Variants in CNTN4 observed in about 807,000 individuals in gnomAD.
CNTN4 encodes contactin 4, also known as contactin-4.
In CNTN4, 77 loss-of-function variants were observed where a neutral mutation model predicts 122.5. That is an observed-to-expected ratio of 0.63 (90% CI 0.52 to 0.76). CNTN4 has a LOEUF of 0.76. Among genes scored for constraint, CNTN4 ranks in the 30% least tolerant of loss-of-function variants. CNTN4 has a pLI of 0.00. For synonymous variants in CNTN4, 512 were observed against 447.0 expected, an observed-to-expected ratio of 1.15 and a Z score of -1.83; for missense variants, 1,256 against 1,259.1, an observed-to-expected ratio of 1.00 and a Z score of 0.04.
At chr3:2,596,827 A>G (rs1472738432) in intron 4 of CNTN4, among the ~76,000 whole-genome samples, 2 of 152,182 alleles carry the variant, frequency 1.3e-5, no homozygotes, top group Non-Finnish European at 1.5e-5. Flanking sequence ...AATAAATGCT[A>G]TGTGCTGAGT....
chr3:2,748,462 C>T (rs950109191), intron 6 of CNTN4, among the ~76,000 whole-genome samples: 4 of 151,984 alleles, frequency 2.6e-5, no homozygotes, highest in Admixed American at 2.6e-4. Flanking sequence ...AGTTTAGTGT[C>T]AGCAGAAAAT....
At chr3:2,723,260 A>G (rs1218367366) in intron 4 of CNTN4, among the ~76,000 whole-genome samples, 1 of 152,060 alleles carries the variant, frequency 6.6e-6, no homozygotes, top group East Asian at 1.9e-4. Flanking sequence ...ACACCACCTA[A>G]TCTTTGCAAA....
chr3:2,589,161 A>G (rs533990938), intron 4 of CNTN4, among the ~76,000 whole-genome samples: 1 of 152,302 alleles, frequency 6.6e-6, no homozygotes, highest in African/African-American at 2.4e-5. Flanking sequence ...ATGGCCTGGC[A>G]TAGAAAGTTA....
intron 3 of CNTN4, among the ~76,000 whole-genome samples, chr3:2,501,078 G>C (rs952722766): frequency 6.6e-6 from 1 of 152,078 alleles, no homozygotes; most frequent in East Asian, 1.9e-4. Flanking sequence ...TGAAACTTCT[G>C]TTTGCTCCTG....
At chr3:2,202,325 A>C (rs1363408849) in intron 2 of CNTN4, among the ~76,000 whole-genome samples, 2 of 152,190 alleles carry the variant, frequency 1.3e-5, no homozygotes, top group African/African-American at 4.8e-5. Context: ...GTGGTTGCTT[A>C]CGCTTTCTGT....
chr3:2,613,521 A>T (rs17017302), intron 4 of CNTN4, among the ~76,000 whole-genome samples: 1 of 151,948 alleles, frequency 6.6e-6, no homozygotes, highest in Admixed American at 6.6e-5. Flanking sequence ...GTAAAGCACT[A>T]TTTGTATTTC....
chr3:2,842,296 A>T (rs2093376166), intron 7 of CNTN4, among the ~76,000 whole-genome samples: 1 of 152,170 alleles, frequency 6.6e-6, no homozygotes, highest in South Asian at 2.1e-4. Context: ...GTGGTGGTGG[A>T]TTCTTTGTGT....
At chr3:2,210,683 T>G (rs1189510132) in intron 2 of CNTN4, among the ~76,000 whole-genome samples, 1 of 152,208 alleles carries the variant, frequency 6.6e-6, no homozygotes, top group Non-Finnish European at 1.5e-5. Flanking sequence ...AGTGAGAGTC[T>G]CAACTTTGCT....
chr3:2,115,208 C>A (rs1244676109), intron 2 of CNTN4, among the ~76,000 whole-genome samples: 1 of 152,186 alleles, frequency 6.6e-6, no homozygotes, highest in Admixed American at 6.5e-5. Flanking sequence ...GGCTTAGTAA[C>A]ATAAGGATGA....
chr3:2,794,721 G>A (rs1171380677), intron 6 of CNTN4, among the ~76,000 whole-genome samples: 1 of 152,164 alleles, frequency 6.6e-6, no homozygotes, highest in Non-Finnish European at 1.5e-5. Context: ...GCCATTGACT[G>A]TGGGCTTACA....
intron 13 of CNTN4, 93 bp from the exon 14 acceptor site, chr3:2,988,252 A>C (rs1277614278): frequency 8.3e-7 from 1 of 1,207,126 alleles, no homozygotes; most frequent in Non-Finnish European, 1.2e-6. Context: ...GCAATGATTT[A>C]TGGTTTGAAC....
chr3:2,490,484 C>T (rs2076285593), intron 3 of CNTN4, among the ~76,000 whole-genome samples: 1 of 151,920 alleles, frequency 6.6e-6, no homozygotes, highest in Non-Finnish European at 1.5e-5. Context: ...CCTCATAAGC[C>T]ATATTTTGGG....
At chr3:2,693,972 C>G (rs1309177221) in intron 4 of CNTN4, among the ~76,000 whole-genome samples, 5 of 152,130 alleles carry the variant, frequency 3.3e-5, no homozygotes, top group Non-Finnish European at 7.3e-5. Context: ...TTTCTAGGTG[C>G]CTTTCATCTT....
chr3:2,912,838 A>G (rs994033665), intron 12 of CNTN4, among the ~76,000 whole-genome samples: 21 of 152,230 alleles, frequency 1.4e-4, no homozygotes, highest in African/African-American at 4.6e-4. Flanking sequence ...GTGAATGAAA[A>G]CATATCATTT....
chr3:2,692,352 A>G (rs967552823), intron 4 of CNTN4, among the ~76,000 whole-genome samples: 1 of 152,120 alleles, frequency 6.6e-6, no homozygotes, highest in Non-Finnish European at 1.5e-5. Flanking sequence ...CCCTGCAGGC[A>G]GTTCCAATAA....
At chr3:2,948,010 C>T (rs969603030) in intron 13 of CNTN4, among the ~76,000 whole-genome samples, 5 of 151,874 alleles carry the variant, frequency 3.3e-5, no homozygotes, top group East Asian at 1.9e-4. Flanking sequence ...AAAACTCATA[C>T]GAGGGAAATG....
intron 4 of CNTN4, among the ~76,000 whole-genome samples, chr3:2,689,543 GCTTTTCAATGAC>G (rs2085615923): frequency 6.6e-6 from 1 of 152,052 alleles, no homozygotes; most frequent in Non-Finnish European, 1.5e-5. Context: ...GAGACCACCT[GCTTTTCAATGAC>G]CTTTTACCAT....
chr3:2,795,843 A>G (rs1202878476), intron 6 of CNTN4, among the ~76,000 whole-genome samples: 1 of 152,154 alleles, frequency 6.6e-6, no homozygotes, highest in East Asian at 1.9e-4. Context: ...TTTTGATTCA[A>G]ATTTGTCTTG....
At chr3:2,808,916 A>G (rs563566880) in intron 6 of CNTN4, among the ~76,000 whole-genome samples, 61 of 152,302 alleles carry the variant, frequency 4.0e-4, no homozygotes, top group Admixed American at 1.2e-3. Flanking sequence ...GAGGACAAAT[A>G]CAAGAAAGTT....
Sources: allele counts gnomAD v4.1 joint callset (sites outside exome capture counted in the v4.1 genomes callset), GRCh38; gene constraint gnomAD v4.1.1; transcripts MANE v1.5; gene names NCBI Gene and HGNC (gene_info 2026-07-23, HGNC 2026-07-21).